Variants in SPOCK1 observed in about 807,000 individuals in gnomAD.
SPOCK1 encodes testican-1.
SPOCK1 carries 23 observed loss-of-function variants against 55.3 expected under a neutral mutation model. The ratio of observed to expected loss-of-function variants is 0.42; its 90% CI spans 0.30 to 0.59. SPOCK1 has a LOEUF of 0.59. Ranked by LOEUF, SPOCK1 falls within the 20% of genes least tolerant of loss-of-function variation. The probability of loss-of-function intolerance (pLI) is 0.22; values close to 1 mark genes in which losing one functional copy is unlikely to be tolerated. For missense variants in SPOCK1, 499 were observed against 552.5 expected, an observed-to-expected ratio of 0.90 and a Z score of 0.97; for synonymous variants, 226 against 221.0, an observed-to-expected ratio of 1.02 and a Z score of -0.20.
At chr5:137,106,892 C>T (rs1369166829) in intron 5 of SPOCK1, among the ~76,000 whole-genome samples, 1 of 152,150 alleles carries the variant, frequency 6.6e-6, no homozygotes, top group Non-Finnish European at 1.5e-5. Context: ...TCACATGTGA[C>T]CCAGCCACAC....
intron 3 of SPOCK1, among the ~76,000 whole-genome samples, chr5:137,227,997 G>T (rs1755978105): frequency 3.3e-5 from 5 of 152,186 alleles, no homozygotes; most frequent in Admixed American, 3.3e-4. Context: ...AAGCTAATCA[G>T]CCCAAATATG....
At chr5:137,046,405 C>T (rs1338281461) in intron 6 of SPOCK1, among the ~76,000 whole-genome samples, 1 of 151,834 alleles carries the variant, frequency 6.6e-6, no homozygotes, top group African/African-American at 2.4e-5. Flanking sequence ...CTCTTTGAAG[C>T]AATTGTGAAT....
chr5:137,376,913 C>T (rs1031282149), intron 2 of SPOCK1, among the ~76,000 whole-genome samples: 3 of 152,176 alleles, frequency 2.0e-5, no homozygotes, highest in African/African-American at 7.2e-5. Flanking sequence ...TAAAATAGTA[C>T]ATTAAGAATT....
At chr5:137,237,055 C>T (rs1211149985) in intron 3 of SPOCK1, among the ~76,000 whole-genome samples, 3 of 152,190 alleles carry the variant, frequency 2.0e-5, no homozygotes, top group Non-Finnish European at 4.4e-5. Context: ...TGACTTCACC[C>T]AATTAGCTTG....
At chr5:136,998,192 A>AG (rs1365595850) in intron 6 of SPOCK1, among the ~76,000 whole-genome samples, 1 of 152,208 alleles carries the variant, frequency 6.6e-6, no homozygotes, top group Non-Finnish European at 1.5e-5. Context: ...TTTAAGCCTG[A>AG]GGAGATGCTT....
chr5:137,248,107 G>A (rs1756433004), intron 3 of SPOCK1, among the ~76,000 whole-genome samples: 1 of 152,184 alleles, frequency 6.6e-6, no homozygotes, highest in Non-Finnish European at 1.5e-5. Flanking sequence ...ACTTAGAGGT[G>A]AAGGATTAGC....
chr5:137,185,968 C>T (rs977835058), intron 3 of SPOCK1, among the ~76,000 whole-genome samples: 2 of 152,178 alleles, frequency 1.3e-5, no homozygotes, highest in Non-Finnish European at 2.9e-5. Context: ...GGGGCAGAAG[C>T]GGGAAAGGCA....
At chr5:137,229,246 T>G (rs1756004508) in intron 3 of SPOCK1, among the ~76,000 whole-genome samples, 1 of 152,204 alleles carries the variant, frequency 6.6e-6, no homozygotes, top group Non-Finnish European at 1.5e-5. Flanking sequence ...GAAAATAATG[T>G]ATATTGATCT....
chr5:137,244,155 AAAATAACATGTTGCC>A (rs535473627), intron 3 of SPOCK1, among the ~76,000 whole-genome samples: 419 of 152,346 alleles, frequency 2.8e-3, no homozygotes, highest in Non-Finnish European at 4.3e-3. Flanking sequence ...AAGGCACATA[AAAATAACATGTTGCC>A]TATAAAGAGA....
intron 5 of SPOCK1, 29 bp from the exon 6 acceptor site, chr5:137,067,858 A>T (rs1363580629): frequency 1.3e-6 from 2 of 1,589,530 alleles, no homozygotes; most frequent in South Asian, 2.2e-5. Flanking sequence ...ACAGGTCTTA[A>T]GAATGCAGCC....
At chr5:137,013,034 A>C (rs1276969067) in intron 6 of SPOCK1, among the ~76,000 whole-genome samples, 1 of 152,178 alleles carries the variant, frequency 6.6e-6, no homozygotes, top group Non-Finnish European at 1.5e-5. Context: ...AATAATGTGG[A>C]TGTGTGGAGT....
chr5:137,008,958 T>C (rs1751301339), intron 6 of SPOCK1, among the ~76,000 whole-genome samples: 1 of 152,018 alleles, frequency 6.6e-6, no homozygotes, highest in Non-Finnish European at 1.5e-5. Flanking sequence ...ATCAGAAGAA[T>C]GATACACACA....
At chr5:137,038,060 C>G (rs1295291747) in intron 6 of SPOCK1, among the ~76,000 whole-genome samples, 3 of 152,194 alleles carry the variant, frequency 2.0e-5, no homozygotes, top group Non-Finnish European at 4.4e-5. Context: ...GTGGAGCTGT[C>G]TCTCCCGTAA....
chr5:137,219,369 C>G (rs553017245), intron 3 of SPOCK1, among the ~76,000 whole-genome samples: 281 of 152,284 alleles, frequency 1.8e-3, no homozygotes, highest in Admixed American at 4.8e-3. Context: ...AAGAGTATCC[C>G]AACACTTAGC....
intron 6 of SPOCK1, among the ~76,000 whole-genome samples, chr5:137,067,269 A>G (rs718704): frequency 0.17 from 26,032 of 152,088 alleles, 2,863 homozygotes; most frequent in Non-Finnish European, 0.23. Context: ...GCTGCCTTAC[A>G]AGCAGAATAT....
rs116204092 is a variant in SPOCK1, at chr5:137,467,017, A to G, written c.186+31356T>C. The stretch of plus-strand genomic sequence containing the variant: ...GGTTGTTGGCAGGATTCAGATCCTC[A>G]GGAACTACTGGGCTGAGAGCCTCAG... On this transcript the variant is annotated intron_variant, in intron 2 of 10. Transcript: ENST00000394945. Among the ~76,000 whole-genome samples the G allele has an allele frequency of 5.3e-3, 814 of 152,376 alleles. 6 individuals carry two copies. Among genetic ancestry groups the G allele is most frequent in the African/African-American group, 0.018 (756 of 41,586 alleles).
intron 5 of SPOCK1, among the ~76,000 whole-genome samples, chr5:137,075,058 C>G (rs1212851398): frequency 6.6e-6 from 1 of 151,998 alleles, no homozygotes; most frequent in African/African-American, 2.4e-5. Context: ...AGGCTGTTTT[C>G]GAACTCCTGA....
intron 6 of SPOCK1, among the ~76,000 whole-genome samples, chr5:137,044,771 C>A (rs1190756784): frequency 2.0e-5 from 3 of 149,048 alleles, no homozygotes; most frequent in Non-Finnish European, 4.5e-5. Flanking sequence ...TTAGGTATAT[C>A]TCCCAATGCT....
chr5:137,281,494 C>CT (rs1265989638), intron 2 of SPOCK1, among the ~76,000 whole-genome samples: 1 of 152,178 alleles, frequency 6.6e-6, no homozygotes, highest in African/African-American at 2.4e-5. Context: ...TTCTTTTGTC[C>CT]TGGCATTTCT....
Sources: allele counts gnomAD v4.1 joint callset (sites outside exome capture counted in the v4.1 genomes callset), GRCh38; gene constraint gnomAD v4.1.1; transcripts MANE v1.5; gene names NCBI Gene and HGNC (gene_info 2026-07-23, HGNC 2026-07-21).